DMBT1: variants seen among roughly 807,000 people sequenced by gnomAD.
DMBT1 encodes deleted in malignant brain tumors 1.
A neutral mutation model predicts 252.9 loss-of-function variants in DMBT1; 198 were observed. The ratio of observed to expected loss-of-function variants is 0.78; its 90% confidence interval spans 0.70 to 0.88. DMBT1 has a LOEUF of 0.88. DMBT1 is among the 40% of genes least tolerant of loss of function. DMBT1 has a pLI of 0.00. For missense variants in DMBT1, 2,432 were observed against 2,404.7 expected, an observed-to-expected ratio of 1.01 and a Z score of -0.24; for synonymous variants, 990 against 942.7, an observed-to-expected ratio of 1.05 and a Z score of -0.92.
At chr10:122,642,175 G>GAA (rs59805964) in intron 55 of DMBT1, among the ~76,000 whole-genome samples, 54,395 of 143,064 alleles carry the variant, frequency 0.38, 11,166 homozygotes, top group African/African-American at 0.59. Context: ...GAGCTACTGT[G>GAA]AAAAAAAAAA....
At chr10:122,633,728 A>C (rs947989711) in intron 52 of DMBT1, among the ~76,000 whole-genome samples, 9 of 152,152 alleles carry the variant, frequency 5.9e-5, no homozygotes, top group African/African-American at 1.7e-4. Flanking sequence ...AACAGAGAGG[A>C]GAGAGAGGGA....
chr10:122,642,275 C>G (rs976732603), intron 55 of DMBT1, among the ~76,000 whole-genome samples: 1 of 152,160 alleles, frequency 6.6e-6, no homozygotes, highest in Non-Finnish European at 1.5e-5. Flanking sequence ...AGGAGGGGAG[C>G]AGATCCTGGC....
chr10:122,592,853 GA>G (rs1372335747), intron 20 of DMBT1, among the ~76,000 whole-genome samples: 9 of 148,632 alleles, frequency 6.1e-5, no homozygotes, highest in African/African-American at 1.9e-4. Flanking sequence ...GAAAGAGGCC[GA>G]AGAGAAAACT....
intron 3 of DMBT1, 53 bp downstream of exon 3, chr10:122,570,262 A>C (rs2097649229): frequency 7.3e-7 from 1 of 1,363,750 alleles, no homozygotes; most frequent in African/African-American, 1.4e-5. Context: ...CTGCACCCCT[A>C]GGTTCATCTC....
intron 2 of DMBT1, among the ~76,000 whole-genome samples, chr10:122,569,574 C>T (rs1402269871): frequency 6.6e-6 from 1 of 152,196 alleles, no homozygotes; most frequent in Non-Finnish European, 1.5e-5. Context: ...ATGTTCACTT[C>T]TAGAGCAACT....
At chr10:122,631,759 A>T in intron 49 of DMBT1, 96 bp from the exon 50 acceptor site, 2 of 1,396,184 alleles carry the variant, frequency 1.4e-6, no homozygotes, top group Non-Finnish European at 1.0e-6. Context: ...GAGGGGGGTC[A>T]GGTTATGGGC....
At chr10:122,628,509 G>A (rs528690878) in intron 46 of DMBT1, among the ~76,000 whole-genome samples, 65 of 152,136 alleles carry the variant, frequency 4.3e-4, no homozygotes, top group African/African-American at 1.4e-3. Context: ...AGTGGTGGGC[G>A]GCTGTAATCC....
At chr10:122,580,946 C>T in intron 11 of DMBT1, 51 bp downstream of exon 11, 1 of 1,599,340 alleles carries the variant, frequency 6.3e-7, no homozygotes, top group African/African-American at 1.3e-5. Context: ...TCTGCCCAAT[C>T]ACCCCTTCCA....
chr10:122,624,502 C>T (rs1166302029), intron 44 of DMBT1, among the ~76,000 whole-genome samples: 2 of 152,188 alleles, frequency 1.3e-5, no homozygotes, highest in Admixed American at 1.3e-4. Context: ...TTAGGAGATA[C>T]AGGAGAGAGT....
At chr10:122,599,290 C>A (rs187300444) in intron 26 of DMBT1, among the ~76,000 whole-genome samples, 193 bp downstream of exon 26, 1 of 152,202 alleles carries the variant, frequency 6.6e-6, no homozygotes, top group African/African-American at 2.4e-5. Context: ...GGACAGGGGA[C>A]CAAACTCAAA....
At chr10:122,624,418 C>G (rs2098099891) in intron 44 of DMBT1, among the ~76,000 whole-genome samples, 2 of 152,228 alleles carry the variant, frequency 1.3e-5, no homozygotes, top group South Asian at 4.1e-4. Flanking sequence ...TGCTGGAGAA[C>G]ATTAACTGGA....
At chr10:122,573,626 G>A (rs2097685883) in intron 5 of DMBT1, 89 bp from the exon 6 acceptor site, 8 of 1,500,178 alleles carry the variant, frequency 5.3e-6, no homozygotes, top group Non-Finnish European at 6.5e-6. Flanking sequence ...TGTGCTTCCA[G>A]CCCTTGCTTC....
intron 6 of DMBT1, among the ~76,000 whole-genome samples, chr10:122,576,138 T>A (rs2097709767): frequency 1.3e-5 from 2 of 152,132 alleles, no homozygotes; most frequent in Admixed American, 1.3e-4. Context: ...GTCATGTGTA[T>A]CTCTAGGTCC....
Position 122,643,283 on chromosome 10 carries a change from G to A in DMBT1, c.7514G>A (p.Arg2505Gln), listed in dbSNP as rs537234062. The A allele has an allele frequency of 2.2e-5, 36 of 1,613,940 alleles. No homozygotes were observed. In the South Asian group the frequency reaches 3.6e-4, roughly 16 times the overall value. The stretch of plus-strand genomic sequence containing the variant: ...TATGACCCCTCTTCCCGCTGCTACC[G>A]AGGCTGTGTGTTGAGGTCGAAGAGG... Reference protein sequence around the residue: ...RAYDPSSRCYRGCVLRSKRDV... With the variant: ...RAYDPSSRCYQGCVLRSKRDV... The change falls in exon 56 of 56, where the codon CGA (arginine) becomes CAA (glutamine). Residue 2505 changes from arginine to glutamine, a missense_variant. Transcript: ENST00000338354.
Position 122,632,919 on chromosome 10 carries a change from T to C in DMBT1, c.6397+29T>C, listed in dbSNP as rs375336056. ...AGTTCTGAGCTCCCTGACAAGTCTG[T>C]GGCAGAGTGGCCTGGAAATTCCCCT... is the stretch of plus-strand genomic sequence containing the variant. On this transcript the variant is annotated intron_variant, in intron 51 of 55. Coordinates refer to ENST00000338354, the MANE Select transcript of DMBT1 (RefSeq NM_001377530.1). 3.3e-4 allele frequency: 535 copies of C among 1,613,548 alleles called. 1 individual carries two copies. The highest frequency in any genetic ancestry group is 1.7e-3 in the South Asian group (155 of 90,832).
intron 21 of DMBT1, among the ~76,000 whole-genome samples, chr10:122,594,232 G>A (rs1421639352): frequency 7.2e-6 from 1 of 138,376 alleles, no homozygotes; most frequent in African/African-American, 2.5e-5. Flanking sequence ...AGCAGATGTG[G>A]GATGGCATGG....
At chr10:122,566,727 T>TAAA (rs1565536931) in intron 2 of DMBT1, among the ~76,000 whole-genome samples, 7 of 151,814 alleles carry the variant, frequency 4.6e-5, no homozygotes, top group African/African-American at 9.7e-5. Flanking sequence ...GATATATTTT[T>TAAA]AAAAAATACT....
chr10:122,566,026 G>A (rs2097586923), intron 2 of DMBT1, 30 bp downstream of exon 2: 1 of 1,613,036 alleles, frequency 6.2e-7, no homozygotes, highest in Admixed American at 1.7e-5. Context: ...CCTCTTCCCT[G>A]GTGGGGTTGG....
intron 54 of DMBT1, among the ~76,000 whole-genome samples, chr10:122,638,122 T>G (rs1020665915): frequency 2.0e-5 from 3 of 152,206 alleles, no homozygotes; most frequent in Admixed American, 6.5e-5. Flanking sequence ...GATGCTGTGA[T>G]TGGTCCTTGT....
Sources: allele counts gnomAD v4.1 joint callset (sites outside exome capture counted in the v4.1 genomes callset), GRCh38; gene constraint gnomAD v4.1.1; transcripts MANE v1.5; gene names NCBI Gene and HGNC (gene_info 2026-07-23, HGNC 2026-07-21).